The following ANO6 variants were observed in gnomAD, a reference collection of about 807,000 sequenced individuals.
ANO6 encodes the protein anoctamin 6.
In ANO6, 106 loss-of-function variants were observed where a neutral mutation model predicts 117.5. The ratio of observed to expected loss-of-function variants is 0.90; its 90% CI spans 0.77 to 1.06. ANO6 has a LOEUF of 1.06. Ranked by LOEUF, ANO6 falls within the 50% of genes least tolerant of loss-of-function variation. ANO6 has a pLI of 0.00. For missense variants in ANO6, 955 were observed against 1,121.1 expected, an observed-to-expected ratio of 0.85 and a Z score of 2.12; for synonymous variants, 367 against 385.1, an observed-to-expected ratio of 0.95 and a Z score of 0.55.
At chr12:45,320,826 G>T (rs925212685) in intron 2 of ANO6, among the ~76,000 whole-genome samples, 2 of 152,058 alleles carry the variant, frequency 1.3e-5, no homozygotes, top group African/African-American at 4.8e-5. Context: ...TATATATTTA[G>T]GATAGTTAGA....
intron 15 of ANO6, 65 bp downstream of exon 15, chr12:45,403,601 T>C (rs1942856140): frequency 1.5e-6 from 2 of 1,378,504 alleles, no homozygotes; most frequent in African/African-American, 1.5e-5. Flanking sequence ...TCCACACAAA[T>C]CATTTGCCTA....
intron 1 of ANO6, among the ~76,000 whole-genome samples, chr12:45,223,003 G>C (rs566588543): frequency 1.0e-3 from 158 of 152,366 alleles, no homozygotes; most frequent in African/African-American, 3.5e-3. Flanking sequence ...CTGGATAGCT[G>C]AACAGTGGAG....
chr12:45,224,427 ATG>A (rs553520702), intron 1 of ANO6, among the ~76,000 whole-genome samples: 1 of 151,990 alleles, frequency 6.6e-6, no homozygotes, highest in East Asian at 1.9e-4. Flanking sequence ...ATATATACAT[ATG>A]TGTGTGTGTG....
At chr12:45,234,673 G>A (rs974169991) in intron 1 of ANO6, among the ~76,000 whole-genome samples, 1 of 152,212 alleles carries the variant, frequency 6.6e-6, no homozygotes, top group African/African-American at 2.4e-5. Flanking sequence ...CCCTGCCTGA[G>A]TTAAAACAGG....
intron 1 of ANO6, among the ~76,000 whole-genome samples, chr12:45,221,063 G>GA (rs1565628143): frequency 6.6e-6 from 1 of 151,862 alleles, no homozygotes; most frequent in East Asian, 1.9e-4. Context: ...CGGAAGTGGG[G>GA]GGGGGCAGCC....
chr12:45,367,872 G>A lies in ANO6; in HGVS notation c.1104+79G>A, dbSNP rs1380262354. 5 of 1,070,236 alleles carry A rather than the reference G, an allele frequency of 4.7e-6. No homozygotes were observed. The African/African-American group carries it at 4.7e-5, about 10-fold the overall frequency. The allele number at this position is 1,070,236 out of a possible 1,614,324, so 66.3% of individuals were successfully genotyped here. A position where few individuals can be genotyped will look rare whatever the true frequency, so the allele number is the denominator to read the frequency against. On this transcript the variant is annotated intron_variant, in intron 9 of 19. Transcript: ENST00000320560. ...GCTAATTTAGATAAAACATAGTATT[G>A]TATCTTTTTTCCTCTGAGGAATTAA...
In ANO6 at chr12:45,431,433, C is replaced by CTGTA. The variant is rs1943630121; in HGVS notation, c.*2129_*2132dup. On this transcript the variant is annotated 3_prime_UTR_variant, in exon 20 of 20. Coordinates refer to ENST00000320560, the MANE Select transcript of ANO6 (RefSeq NM_001025356.3). Reference sequence around the variant, plus strand: ...AAAGGAAATGTTTTTACCTTATCTCCTGTATGTATGATAGAACTTAAAAGA... The same window carrying CTGTA: ...AAAGGAAATGTTTTTACCTTATCTCCTGTATGTATGTATGATAGAACTTAAAAGA... 1 of 985,218 alleles carries CTGTA rather than the reference C, an allele frequency of 1.0e-6. No individual in the cohort carries two copies. Among genetic ancestry groups the CTGTA allele is most frequent in the African/African-American group, 1.7e-5 (1 of 57,190 alleles). 61.0% of individuals were successfully genotyped at this position (985,218 alleles called of 1,614,324 possible). A position where few individuals can be genotyped will look rare whatever the true frequency, so the allele number is the denominator to read the frequency against.
intron 12 of ANO6, among the ~76,000 whole-genome samples, chr12:45,397,115 C>T (rs549713027): frequency 1.1e-3 from 165 of 152,270 alleles, no homozygotes; most frequent in African/African-American, 3.8e-3. Context: ...GGCTAATATC[C>T]AGAATCTACA....
chr12:45,419,616 A>AAC (rs1943305363), intron 17 of ANO6, among the ~76,000 whole-genome samples: 1 of 152,192 alleles, frequency 6.6e-6, no homozygotes, highest in African/African-American at 2.4e-5. Context: ...ACTATGCCTA[A>AAC]ACCATATGTT....
At chr12:45,414,868 A>G (rs955666474) in intron 16 of ANO6, among the ~76,000 whole-genome samples, 3 of 152,150 alleles carry the variant, frequency 2.0e-5, no homozygotes, top group Non-Finnish European at 2.9e-5. Context: ...ATCTAAAGCA[A>G]TCCTCCCACC....
At chr12:45,388,840 A>G (rs898807141) in intron 11 of ANO6, among the ~76,000 whole-genome samples, 2 of 152,060 alleles carry the variant, frequency 1.3e-5, no homozygotes, top group African/African-American at 4.8e-5. Flanking sequence ...TTGAGGTCCA[A>G]CTCTGTTCAG....
chr12:45,305,447 T>C (rs1307718090), intron 2 of ANO6, among the ~76,000 whole-genome samples: 7 of 152,228 alleles, frequency 4.6e-5, no homozygotes, highest in Admixed American at 2.6e-4. Context: ...TTGTTGAATA[T>C]ATTGATAAGC....
intron 1 of ANO6, among the ~76,000 whole-genome samples, chr12:45,245,571 G>T (rs542453473): frequency 6.6e-6 from 1 of 151,378 alleles, no homozygotes; most frequent in Non-Finnish European, 1.5e-5. Context: ...ATCTATGTCC[G>T]GTAGAAAGCA....
At chr12:45,415,974 TCTGCTGCC>T (rs1943202644) in intron 16 of ANO6, among the ~76,000 whole-genome samples, 1 of 152,126 alleles carries the variant, frequency 6.6e-6, no homozygotes, top group Non-Finnish European at 1.5e-5. Context: ...CCCCAAAATC[TCTGCTGCC>T]CCATTTTTAA....
intron 3 of ANO6, among the ~76,000 whole-genome samples, chr12:45,336,825 C>G (rs1940839153): frequency 1.3e-5 from 2 of 151,946 alleles, no homozygotes; most frequent in African/African-American, 4.8e-5. Context: ...AAAACAGCCT[C>G]AGGCAGGTAC....
chr12:45,431,391 A>G lies in ANO6; in HGVS notation c.*2080A>G. The G allele has an allele frequency of 2.0e-6, 2 of 985,412 alleles. No individual in the cohort carries two copies. The highest frequency in any genetic ancestry group is 2.4e-6 in the Non-Finnish European group (2 of 829,934). 61.0% of individuals were successfully genotyped at this position (985,412 alleles called of 1,614,324 possible). On this transcript the variant is annotated 3_prime_UTR_variant, in exon 20 of 20. Transcript: ENST00000320560. ...TGTTTAAATTTGGCAGTTACTCGCC[A>G]TGTATGTCAGCATAGAAAAGGAAAT... is the stretch of plus-strand genomic sequence containing the variant.
chr12:45,216,198 GC>G lies in ANO6; in HGVS notation c.-120del. On this transcript the variant is annotated 5_prime_UTR_variant, in exon 1 of 20. Coordinates refer to ENST00000320560, the MANE Select transcript of ANO6 (RefSeq NM_001025356.3). ...TCCCCGGCGCTGGCTGGGCTCAGCGGCCCCTGAGCCCAAGCGACACACGCCC... is the reference window on the plus strand; with the variant it reads ...TCCCCGGCGCTGGCTGGGCTCAGCGGCCCTGAGCCCAAGCGACACACGCCC... The G allele has an allele frequency of 3.5e-6, 4 of 1,133,632 alleles. No homozygotes were observed. The South Asian group carries it at 5.4e-5, about 15-fold the overall frequency. 70.2% of individuals were successfully genotyped at this position (1,133,632 alleles called of 1,614,324 possible). A position where few individuals can be genotyped will look rare whatever the true frequency, so the allele number is the denominator to read the frequency against.
At chr12:45,304,931 A>T (rs552759035) in intron 2 of ANO6, among the ~76,000 whole-genome samples, 1 of 152,326 alleles carries the variant, frequency 6.6e-6, no homozygotes, top group East Asian at 1.9e-4. Context: ...CCTGGAGACC[A>T]CAGCCTACCT....
At position 45,321,750 on chromosome 12, in the gene ANO6, G is replaced by T. The variant is rs187142714; in HGVS notation, c.151-9545G>T. Among the ~76,000 whole-genome samples, 123 of 152,188 alleles carry T rather than the reference G, an allele frequency of 8.1e-4. 2 individuals are homozygous for T. The East Asian group carries it at 0.02, about 25-fold the overall frequency. On this transcript the variant is annotated intron_variant, in intron 2 of 19. Coordinates refer to ENST00000320560, the MANE Select transcript of ANO6 (RefSeq NM_001025356.3). The stretch of plus-strand genomic sequence containing the variant: ...AATGGTATTCTGTGGGAAAAAAAAG[G>T]CAGTTTTAATGCACAACTCAAAAAT...
Sources: allele counts gnomAD v4.1 joint callset (sites outside exome capture counted in the v4.1 genomes callset), GRCh38; gene constraint gnomAD v4.1.1; transcripts MANE v1.5; gene names NCBI Gene and HGNC (gene_info 2026-07-23, HGNC 2026-07-21).